STPG2: variants seen among roughly 807,000 people sequenced by gnomAD.
STPG2 encodes the protein sperm-tail PG-rich repeat-containing protein 2.
A neutral mutation model predicts 54.2 loss-of-function variants in STPG2; 56 were observed. That is an observed-to-expected ratio of 1.03 (90% CI 0.83 to 1.29). The LOEUF is 1.29. Ranked by LOEUF, STPG2 falls within the 50% of genes most tolerant of loss-of-function variation. The probability of loss-of-function intolerance (pLI) is 0.00; values close to 1 mark genes in which losing one functional copy is unlikely to be tolerated. For synonymous variants in STPG2, 200 were observed against 181.8 expected (o/e 1.10, Z -0.81); for missense variants, 596 against 544.9 (o/e 1.09, Z -0.93).
At chr4:97,865,651 T>G (rs965117348) in intron 8 of STPG2, among the ~76,000 whole-genome samples, 4 of 150,144 alleles carry the variant, frequency 2.7e-5, no homozygotes, top group Non-Finnish European at 5.9e-5. Flanking sequence ...AATTGAACAA[T>G]GAGAACACTT....
At position 98,130,952 on chromosome 4, in the gene STPG2, G is replaced by GAAAAAAA. The variant is rs1242260121; in HGVS notation, c.223-2361_223-2360insTTTTTTT. On this transcript the variant is annotated intron_variant, in intron 2 of 10. Transcript: ENST00000295268. ...AAAAAAAAAAAAACAAAAAAAAAAC[G>GAAAAAAA]ACTTTCCAAAATATAGCCCCTACCT... Among the ~76,000 whole-genome samples the GAAAAAAA allele has an allele frequency of 1.0e-3, 82 of 81,896 alleles. 8 individuals are homozygous for GAAAAAAA. Among genetic ancestry groups the GAAAAAAA allele is most frequent in the Non-Finnish European group, 1.5e-3 (56 of 37,866 alleles). The allele number at this position is 81,896 out of a possible 152,430, so 53.7% of individuals were successfully genotyped here. A position where few individuals can be genotyped will look rare whatever the true frequency, so the allele number is the denominator to read the frequency against.
At chr4:97,521,382 T>C (rs926479368) in intron 4 of STPG2, among the ~76,000 whole-genome samples, 1 of 152,070 alleles carries the variant, frequency 6.6e-6, no homozygotes, top group Non-Finnish European at 1.5e-5. Context: ...GAGTCAGTTA[T>C]CCAGTTTGAT....
intron 10 of STPG2, among the ~76,000 whole-genome samples, chr4:97,640,615 C>T (rs545798478): frequency 2.0e-5 from 3 of 151,424 alleles, no homozygotes; most frequent in South Asian, 2.1e-4. Flanking sequence ...ACAGGATATA[C>T]GGCATTCAAA....
intron 5 of STPG2, among the ~76,000 whole-genome samples, chr4:98,095,318 C>T (rs536538114): frequency 1.3e-5 from 2 of 152,272 alleles, no homozygotes; most frequent in Middle Eastern, 3.4e-3. Context: ...TCAGTCCTTA[C>T]TTATCAATAA....
At chr4:97,980,084 G>C (rs1734624108) in intron 6 of STPG2, among the ~76,000 whole-genome samples, 1 of 152,062 alleles carries the variant, frequency 6.6e-6, no homozygotes, top group South Asian at 2.1e-4. Flanking sequence ...TACTCAGAAG[G>C]CTGAAGCAGG....
rs1739273833 is a variant in STPG2 at position 98,109,192 on chromosome 4, C to T, written c.500+1G>A. On this transcript the variant is annotated splice_donor_variant, in intron 4 of 10. Transcript: ENST00000295268. LOFTEE classifies it high-confidence loss of function. Reference sequence around the variant, plus strand: ...AAGGTATACTATATTTTTTTACTTACTGGACTATATCATACTGTCCTGGAC... The same window carrying T: ...AAGGTATACTATATTTTTTTACTTATTGGACTATATCATACTGTCCTGGAC... 1 of 1,527,548 alleles carries T rather than the reference C, an allele frequency of 6.5e-7. No homozygotes were observed. The highest frequency in any genetic ancestry group is 1.3e-5 in the South Asian group (1 of 78,646). The allele number at this position is 1,527,548 out of a possible 1,614,324, so 94.6% of individuals were successfully genotyped here.
chr4:97,707,054 T>C (rs950819438), intron 10 of STPG2, among the ~76,000 whole-genome samples: 5 of 152,072 alleles, frequency 3.3e-5, no homozygotes, highest in Non-Finnish European at 7.4e-5. Flanking sequence ...ATTGAGCAGA[T>C]GAAGCAAATG....
chr4:97,672,653 G>A (rs1722735654), intron 10 of STPG2, among the ~76,000 whole-genome samples: 1 of 152,150 alleles, frequency 6.6e-6, no homozygotes, highest in Non-Finnish European at 1.5e-5. Context: ...AAACTTTCCA[G>A]AGGTATTAAG....
chr4:97,972,194 C>T, intron 7 of STPG2, 86 bp downstream of exon 7: 2 of 906,576 alleles, frequency 2.2e-6, no homozygotes, highest in South Asian at 3.0e-5. Context: ...ACATCCTTTT[C>T]TATTAATTAT....
intron 3 of STPG2, among the ~76,000 whole-genome samples, chr4:98,111,736 A>G (rs951800575): frequency 6.6e-6 from 1 of 152,148 alleles, no homozygotes; most frequent in African/African-American, 2.4e-5. Context: ...TGTTTCCAGA[A>G]TAGATAGGCA....
chr4:97,832,931 C>G (rs899166035), intron 9 of STPG2, among the ~76,000 whole-genome samples: 3 of 152,164 alleles, frequency 2.0e-5, no homozygotes, highest in Admixed American at 6.5e-5. Context: ...AATGACCATA[C>G]TGCCCAAAGT....
chr4:97,498,160 C>CCA (rs1730650154), intron 4 of STPG2, among the ~76,000 whole-genome samples: 1 of 151,916 alleles, frequency 6.6e-6, no homozygotes, highest in Admixed American at 6.6e-5. Context: ...AGTCTAGTCC[C>CCA]CATGAGTCCA....
intron 8 of STPG2, among the ~76,000 whole-genome samples, chr4:97,842,494 A>T (rs1728831997): frequency 6.6e-6 from 1 of 151,868 alleles, no homozygotes; most frequent in South Asian, 2.1e-4. Context: ...GAAGATCTTG[A>T]TTGTGCCTAC....
intron 5 of STPG2, among the ~76,000 whole-genome samples, chr4:98,049,575 T>C (rs2149312866): frequency 6.6e-6 from 1 of 152,300 alleles, no homozygotes; most frequent in East Asian, 1.9e-4. Context: ...AAATAAATGA[T>C]CACCATTGGA....
At chr4:98,034,975 G>C (rs1736724306) in intron 5 of STPG2, among the ~76,000 whole-genome samples, 1 of 152,128 alleles carries the variant, frequency 6.6e-6, no homozygotes, top group Non-Finnish European at 1.5e-5. Flanking sequence ...TTAAATGTAA[G>C]ATCTAAAACC....
intron 10 of STPG2, among the ~76,000 whole-genome samples, chr4:97,654,316 CATATTAAAATT>C (rs1722160769): frequency 6.6e-6 from 1 of 152,046 alleles, no homozygotes. Context: ...TTGGACTTTG[CATATTAAAATT>C]ATATTTTTAA....
intron 8 of STPG2, among the ~76,000 whole-genome samples, chr4:97,879,282 C>A (rs1011513051): frequency 6.6e-6 from 1 of 152,214 alleles, no homozygotes. Flanking sequence ...TCCACATTTT[C>A]AGGTATCTTT....
chr4:97,765,381 G>A (rs1015319081), intron 9 of STPG2, among the ~76,000 whole-genome samples: 3 of 152,082 alleles, frequency 2.0e-5, no homozygotes, highest in Non-Finnish European at 4.4e-5. Flanking sequence ...TAAGAGGCTT[G>A]TAGATGTCTT....
intron 4 of STPG2, among the ~76,000 whole-genome samples, chr4:97,483,714 A>C (rs1184868750): frequency 1.3e-5 from 2 of 151,852 alleles, no homozygotes; most frequent in Admixed American, 1.3e-4. Context: ...TATACCATGA[A>C]ACAAATGGGC....
Sources: gnomAD v4.1 joint callset for allele counts (sites outside exome capture counted in the v4.1 genomes callset) on GRCh38, gnomAD v4.1.1 for gene constraint, MANE v1.5 for transcripts, NCBI Gene and HGNC (gene_info 2026-07-23, HGNC 2026-07-21) for gene names.